The following GABRG3 variants were observed in gnomAD, a reference collection of about 807,000 sequenced individuals.
GABRG3 encodes the protein gamma-aminobutyric acid type A receptor subunit gamma3.
Under a neutral mutation model 48.8 loss-of-function variants are expected in GABRG3, and 25 were observed. The ratio of observed to expected loss-of-function variants is 0.51; its 90% CI spans 0.37 to 0.72. GABRG3 has a LOEUF of 0.72. GABRG3 is among the 30% of genes least tolerant of loss of function. GABRG3 has a pLI of 0.00. For synonymous variants in GABRG3, 227 were observed against 217.6 expected (o/e 1.04, Z -0.38); for missense variants, 394 against 577.9 (o/e 0.68, Z 3.26).
chr15:27,379,296 T>C (rs1895693261), intron 5 of GABRG3, among the ~76,000 whole-genome samples: 1 of 152,224 alleles, frequency 6.6e-6, no homozygotes, highest in Admixed American at 6.5e-5. Flanking sequence ...CACTTTCAAA[T>C]AACACTATAC....
rs1460468139 is a variant in GABRG3, at chr15:27,352,008, T to A, written c.574+23120T>A. On this transcript the variant is annotated intron_variant, in intron 5 of 9. Coordinates refer to ENST00000615808, the MANE Select transcript of GABRG3 (RefSeq NM_033223.5). This position sits in a 1 kb window ranked among gnomAD's most constrained non-coding sequence, Gnocchi z 4.0. ...GTATGGTGTGTGTGTGTATATATGA[T>A]GTGTGGGTTTATGGTGTATGCGTGT... Among the ~76,000 whole-genome samples, 1 of 150,746 alleles carries A rather than the reference T, an allele frequency of 6.6e-6. No homozygotes were observed. The highest frequency in any genetic ancestry group is 1.5e-5 in the Non-Finnish European group (1 of 67,598).
chr15:27,062,080 G>A (rs1312757965), intron 3 of GABRG3, among the ~76,000 whole-genome samples: 12 of 152,112 alleles, frequency 7.9e-5, no homozygotes, highest in East Asian at 5.8e-4. Flanking sequence ...GGCAACTGGC[G>A]GCAGCTGTCA....
chr15:27,452,528 A>G (rs1263114308), intron 5 of GABRG3, among the ~76,000 whole-genome samples: 1 of 152,186 alleles, frequency 6.6e-6, no homozygotes, highest in Non-Finnish European at 1.5e-5. Context: ...CAATTAACAC[A>G]CATTTCATTT....
chr15:27,114,852 A>G (rs1242883965), intron 3 of GABRG3, among the ~76,000 whole-genome samples: 2 of 151,614 alleles, frequency 1.3e-5, no homozygotes, highest in African/African-American at 4.9e-5. Context: ...GGATTATTCT[A>G]TTTGCTGATG....
chr15:27,019,792 C>G (rs891791), intron 2 of GABRG3, among the ~76,000 whole-genome samples: 13,769 of 152,162 alleles, frequency 0.09, 761 homozygotes, highest in Middle Eastern at 0.23. Context: ...ATTGGAAGAG[C>G]CTCTTATGCG....
At chr15:27,313,193 T>C (rs1333121070) in intron 3 of GABRG3, among the ~76,000 whole-genome samples, 3 of 139,916 alleles carry the variant, frequency 2.1e-5, no homozygotes, top group Non-Finnish European at 4.6e-5. Flanking sequence ...TATATATATA[T>C]GTGTATATAT....
chr15:27,468,859 T>C (rs866011954), intron 5 of GABRG3, among the ~76,000 whole-genome samples: 4 of 152,070 alleles, frequency 2.6e-5, no homozygotes, highest in Admixed American at 6.6e-5. Flanking sequence ...ATATCTGCAG[T>C]AAAAAAAATC....
chr15:27,433,679 T>C (rs1000118238), intron 5 of GABRG3, among the ~76,000 whole-genome samples: 1 of 152,184 alleles, frequency 6.6e-6, no homozygotes, highest in Non-Finnish European at 1.5e-5. Context: ...GCTAGTATTG[T>C]ATGTGTGTCG....
At position 27,361,449 on chromosome 15, in the gene GABRG3, C is replaced by T. The variant is rs908227003; in HGVS notation, c.574+32561C>T. ...GGACTGCCTTGGTGTTCTCCTCAAA[C>T]AGCATTCTATTCCAGAGGACAGCAT... On this transcript the variant is annotated intron_variant, in intron 5 of 9. Coordinates refer to ENST00000615808, the MANE Select transcript of GABRG3 (RefSeq NM_033223.5). Among the ~76,000 whole-genome samples, 3 of 152,198 alleles carry T rather than the reference C, an allele frequency of 2.0e-5. No individual in the cohort carries two copies. The East Asian group carries it at 5.8e-4, about 29-fold the overall frequency.
chr15:27,200,375 A>G (rs1281677173), intron 3 of GABRG3, among the ~76,000 whole-genome samples: 5 of 152,170 alleles, frequency 3.3e-5, no homozygotes, highest in African/African-American at 1.2e-4. Flanking sequence ...CTTAAAATAT[A>G]TGCTTCCTTT....
chr15:27,057,384 G>A (rs1403588350), intron 3 of GABRG3, among the ~76,000 whole-genome samples: 1 of 152,204 alleles, frequency 6.6e-6, no homozygotes, highest in Non-Finnish European at 1.5e-5. Flanking sequence ...TTACAGGAAG[G>A]CATCAACACT....
At chr15:27,305,404 T>C (rs1032897909) in intron 3 of GABRG3, among the ~76,000 whole-genome samples, 1 of 150,656 alleles carries the variant, frequency 6.6e-6, no homozygotes, top group South Asian at 2.1e-4. Context: ...CTTCAAGGAA[T>C]AGAAGACCCA....
At chr15:27,135,287 C>G (rs1243819229) in intron 3 of GABRG3, among the ~76,000 whole-genome samples, 1 of 152,182 alleles carries the variant, frequency 6.6e-6, no homozygotes, top group African/African-American at 2.4e-5. Context: ...AAGCAGAACT[C>G]ATTAATAGCT....
At chr15:27,261,034 A>G (rs1595620119) in intron 3 of GABRG3, among the ~76,000 whole-genome samples, 2 of 152,204 alleles carry the variant, frequency 1.3e-5, no homozygotes, top group Non-Finnish European at 2.9e-5. Context: ...AAAAGTATAC[A>G]TTGCATAGTC....
At chr15:27,102,114 C>G (rs1897371849) in intron 3 of GABRG3, among the ~76,000 whole-genome samples, 1 of 152,180 alleles carries the variant, frequency 6.6e-6, no homozygotes, top group Admixed American at 6.5e-5. Context: ...GGATGTCTTC[C>G]AAAGTGGATC....
chr15:27,343,908 G>A (rs1894275263), intron 5 of GABRG3, among the ~76,000 whole-genome samples: 1 of 152,162 alleles, frequency 6.6e-6, no homozygotes, highest in Admixed American at 6.5e-5. Flanking sequence ...CAGATGGACT[G>A]CCTTCTATAC....
rs114259357 is a variant in GABRG3, at chr15:27,427,987, A to G, written c.575-52663A>G. The G allele has an allele frequency of 1.6e-3, 246 of 152,272 alleles. 2 individuals carry two copies. The highest frequency in any genetic ancestry group is 5.3e-3 in the African/African-American group (222 of 41,534). The allele number at this position is 152,272 out of a possible 1,614,324, so 9.4% of individuals were successfully genotyped here. A position where few individuals can be genotyped will look rare whatever the true frequency, so the allele number is the denominator to read the frequency against. ...ACCCTTGAACTCCTGGACTCAAGCAATCCTTTTCCTCAGCCTCCTAAAGTG... is the reference window on the plus strand; with the variant it reads ...ACCCTTGAACTCCTGGACTCAAGCAGTCCTTTTCCTCAGCCTCCTAAAGTG... On this transcript the variant is annotated intron_variant, in intron 5 of 9. Transcript: ENST00000615808.
chr15:27,308,617 TTATA>T (rs1892847265), intron 3 of GABRG3, among the ~76,000 whole-genome samples: 1 of 109,412 alleles, frequency 9.1e-6, no homozygotes, highest in African/African-American at 2.8e-5. Flanking sequence ...AAACATACGC[TTATA>T]TATAAACATA....
intron 5 of GABRG3, among the ~76,000 whole-genome samples, chr15:27,474,858 G>A (rs1366995359): frequency 6.6e-6 from 1 of 152,048 alleles, no homozygotes; most frequent in East Asian, 1.9e-4. Flanking sequence ...CTGGCTGGGT[G>A]CAGTGGTTCA....
Sources: gnomAD v4.1 joint callset for allele counts (sites outside exome capture counted in the v4.1 genomes callset) on GRCh38, gnomAD v4.1.1 for gene constraint, Gnocchi (gnomAD v3.1) non-coding constraint, MANE v1.5 for transcripts, NCBI Gene and HGNC (gene_info 2026-07-23, HGNC 2026-07-21) for gene names.